The following PPP1R12B variants were observed in gnomAD, a reference collection of about 807,000 sequenced individuals.
The protein encoded by PPP1R12B is myosin phosphatase target subunit 2.
In PPP1R12B, 76 loss-of-function variants were observed where a neutral mutation model predicts 126.1. The observed-to-expected ratio is 0.60, with a 90% confidence interval of 0.50 to 0.73. The LOEUF (loss-of-function observed/expected upper bound fraction) is 0.73, where lower values mean the gene tolerates loss of function less well. Among genes scored for constraint, PPP1R12B ranks in the 30% least tolerant of loss-of-function variants. The probability of loss-of-function intolerance (pLI) is 0.00; values close to 1 mark genes in which losing one functional copy is unlikely to be tolerated. For synonymous variants in PPP1R12B, 356 were observed against 434.7 expected (o/e 0.82, Z 2.25); for missense variants, 1,052 against 1,205.1 (o/e 0.87, Z 1.88).
chr1:202,460,549 C>G (rs1473322454), intron 13 of PPP1R12B, among the ~76,000 whole-genome samples: 1 of 152,196 alleles, frequency 6.6e-6, no homozygotes, highest in East Asian at 1.9e-4. Flanking sequence ...CAAAGAGGTT[C>G]CACAAACGAC....
chr1:202,491,981 T>G (rs912744983), intron 14 of PPP1R12B, among the ~76,000 whole-genome samples: 5 of 152,192 alleles, frequency 3.3e-5, no homozygotes, highest in African/African-American at 4.8e-5. Context: ...ACTTTCCTTT[T>G]TTTGTTGTGT....
At chr1:202,491,865 A>G (rs1003061457) in intron 14 of PPP1R12B, among the ~76,000 whole-genome samples, 17 of 152,252 alleles carry the variant, frequency 1.1e-4, no homozygotes, top group African/African-American at 3.9e-4. Context: ...CGACTCCCAA[A>G]GAAAGTAAAA....
At chr1:202,414,133 G>T (rs1429576136) in intron 1 of PPP1R12B, among the ~76,000 whole-genome samples, 1 of 152,150 alleles carries the variant, frequency 6.6e-6, no homozygotes, top group Non-Finnish European at 1.5e-5. Context: ...TGTTGGCTAG[G>T]CTGGTCTCAA....
chr1:202,430,926 T>C, intron 7 of PPP1R12B, 116 bp downstream of exon 7: 2 of 1,400,934 alleles, frequency 1.4e-6, no homozygotes, highest in South Asian at 3.5e-5. Context: ...GAGTGATCTA[T>C]AAACTTGTGG....
intron 7 of PPP1R12B, 36 bp from the exon 8 acceptor site, chr1:202,431,444 T>C: frequency 6.5e-7 from 1 of 1,544,508 alleles, no homozygotes; most frequent in East Asian, 2.3e-5. Context: ...TGATTATCAT[T>C]TCTGAATTAT....
Position 202,580,672 on chromosome 1 carries a change from CTTCT to C in PPP1R12B, c.*117_*120del, listed in dbSNP as rs1285239570. The C allele has an allele frequency of 7.0e-6, 6 of 858,050 alleles. No individual in the cohort carries two copies. Among genetic ancestry groups the C allele is most frequent in the East Asian group, 2.6e-5 (1 of 38,064 alleles). 53.2% of individuals were successfully genotyped at this position (858,050 alleles called of 1,614,324 possible). ...AAATGGATGTTTTGGTGGAAGGACA[CTTCT>C]TTCTATCACCCTCTTCAGTCACCTC... On this transcript the variant is annotated 3_prime_UTR_variant, in exon 24 of 24. Coordinates refer to ENST00000608999, the MANE Select transcript of PPP1R12B (RefSeq NM_002481.4).
At chr1:202,548,769 GCTCGCTGTCT>G (rs1395352151) in intron 18 of PPP1R12B, among the ~76,000 whole-genome samples, 3 of 102,926 alleles carry the variant, frequency 2.9e-5, no homozygotes, top group African/African-American at 7.2e-5. Flanking sequence ...TCGCTCACTC[GCTCGCTGTCT>G]CTCTCTCTCT....
rs977165182 is a variant in PPP1R12B at position 202,394,624 on chromosome 1, C to T, written c.292-22163C>T. ...ACAAAATTAGCCGGGCATGGTGGCG[C>T]ATGCCTGTAATCCTAGCTGCTCAGG... On this transcript the variant is annotated intron_variant, in intron 1 of 23. Transcript: ENST00000608999. Among the ~76,000 whole-genome samples, 5 of 151,932 alleles carry T rather than the reference C, an allele frequency of 3.3e-5. 1 individual carries two copies. Among genetic ancestry groups the T allele is most frequent in the East Asian group, 1.9e-4 (1 of 5,132 alleles).
In PPP1R12B at chr1:202,348,752, C is replaced by G; in HGVS notation, c.-100C>G. On this transcript the variant is annotated 5_prime_UTR_variant, in exon 1 of 24. Coordinates refer to ENST00000608999, the MANE Select transcript of PPP1R12B (RefSeq NM_002481.4). ...GCGGCGCGAGGGTCTCCGCCCTCTG[C>G]TCCGGGCTGAAGCGCTCTGAGAGAG... The G allele has an allele frequency of 2.1e-6, 3 of 1,425,016 alleles. No individual in the cohort carries two copies. The highest frequency in any genetic ancestry group is 2.8e-6 in the Non-Finnish European group (3 of 1,073,746). The allele number at this position is 1,425,016 out of a possible 1,614,324, so 88.3% of individuals were successfully genotyped here.
At chr1:202,517,216 A>AT (rs1321218100) in intron 18 of PPP1R12B, among the ~76,000 whole-genome samples, 1 of 152,146 alleles carries the variant, frequency 6.6e-6, no homozygotes, top group South Asian at 2.1e-4. Flanking sequence ...TATTAAAGGA[A>AT]TTTTTTCCTG....
chr1:202,530,028 A>G (rs375139852), intron 18 of PPP1R12B, among the ~76,000 whole-genome samples: 10 of 152,342 alleles, frequency 6.6e-5, no homozygotes, highest in Admixed American at 4.6e-4. Flanking sequence ...ATATGCTTTA[A>G]AGCTACTTAT....
chr1:202,364,617 C>G (rs529055771), intron 1 of PPP1R12B, among the ~76,000 whole-genome samples: 1 of 152,050 alleles, frequency 6.6e-6, no homozygotes, highest in South Asian at 2.1e-4. Context: ...TGCTCTGTCA[C>G]CCAGGCTGGA....
At chr1:202,563,880 C>A (rs915920785) in intron 20 of PPP1R12B, among the ~76,000 whole-genome samples, 2 of 151,974 alleles carry the variant, frequency 1.3e-5, no homozygotes, top group African/African-American at 2.4e-5. Flanking sequence ...CCAGCCTGGG[C>A]AATATAGTGA....
chr1:202,356,147 C>T (rs1657053902), intron 1 of PPP1R12B, among the ~76,000 whole-genome samples: 1 of 152,168 alleles, frequency 6.6e-6, no homozygotes, highest in East Asian at 1.9e-4. Context: ...CACCACTGCA[C>T]TCCAGCCTGG....
intron 18 of PPP1R12B, among the ~76,000 whole-genome samples, chr1:202,510,857 C>T (rs1043971531): frequency 3.4e-5 from 5 of 146,746 alleles, no homozygotes; most frequent in Non-Finnish European, 7.5e-5. Context: ...AAGTTTTATT[C>T]AGGCAAGTAT....
chr1:202,365,637 G>A (rs1348793778), intron 1 of PPP1R12B, among the ~76,000 whole-genome samples: 2 of 152,098 alleles, frequency 1.3e-5, no homozygotes, highest in Non-Finnish European at 2.9e-5. Context: ...ATTCACATCT[G>A]TCTGACTCAG....
chr1:202,436,546 T>G (rs932495725), intron 9 of PPP1R12B, among the ~76,000 whole-genome samples: 1 of 152,152 alleles, frequency 6.6e-6, no homozygotes, highest in Non-Finnish European at 1.5e-5. Flanking sequence ...GGCTTAAATC[T>G]TCTTGAAAAG....
At chr1:202,560,529 G>T (rs549692653) in intron 19 of PPP1R12B, among the ~76,000 whole-genome samples, 1 of 152,186 alleles carries the variant, frequency 6.6e-6, no homozygotes, top group African/African-American at 2.4e-5. Flanking sequence ...TTATGGTGTT[G>T]GTGGGAGTGT....
chr1:202,474,408 C>G (rs1261534594), intron 13 of PPP1R12B, among the ~76,000 whole-genome samples: 1 of 151,888 alleles, frequency 6.6e-6, no homozygotes, highest in Non-Finnish European at 1.5e-5. Flanking sequence ...TCAGCCTCCC[C>G]GGTAGCTAGG....
Sources: allele counts gnomAD v4.1 joint callset (sites outside exome capture counted in the v4.1 genomes callset), GRCh38; gene constraint gnomAD v4.1.1; transcripts MANE v1.5; gene names NCBI Gene and HGNC (gene_info 2026-07-23, HGNC 2026-07-21).